Variants in ZNF30 observed in about 807,000 individuals in gnomAD.
ZNF30 encodes zinc finger protein 30, also known as zinc finger protein 30 (KOX 28).
ZNF30 carries 15 observed loss-of-function variants against 13.2 expected under a neutral mutation model. That is an observed-to-expected ratio of 1.13 (90% CI 0.76 to 1.75). The LOEUF is 1.75. Ranked by LOEUF, ZNF30 falls within the 40% of genes most tolerant of loss-of-function variation. ZNF30 has a pLI of 0.00. For missense variants in ZNF30, 726 were observed against 757.0 expected (o/e 0.96, Z 0.48); for synonymous variants, 223 against 256.6 (o/e 0.87, Z 1.25).
At chr19:34,929,171 C>T (rs1283663611) in intron 1 of ZNF30, among the ~76,000 whole-genome samples, 2 of 151,974 alleles carry the variant, frequency 1.3e-5, no homozygotes, top group Non-Finnish European at 2.9e-5. Context: ...CCTAGCTACT[C>T]GGGAGGGAGG....
intron 3 of ZNF30, 94 bp from the exon 4 acceptor site, chr19:34,933,534 G>T: frequency 1.2e-6 from 1 of 853,580 alleles, no homozygotes; most frequent in Middle Eastern, 2.3e-4. Flanking sequence ...GGTCAATATC[G>T]TTTGACCTTT....
chr19:34,931,677 T>C (rs1297466364), intron 2 of ZNF30, among the ~76,000 whole-genome samples, 166 bp from the exon 3 acceptor site: 1 of 152,212 alleles, frequency 6.6e-6, no homozygotes, highest in Admixed American at 6.5e-5. Flanking sequence ...GGACATTTTG[T>C]CCATAGCAGC....
chr19:34,926,933 TG>T lies in ZNF30; in HGVS notation c.-347del. On this transcript the variant is annotated 5_prime_UTR_variant, in exon 1 of 5. It introduces an in-frame stop codon into an upstream open reading frame of the 5' UTR. Transcript: ENST00000601142. Reference sequence around the variant, plus strand: ...GGACTGCGCCGGGCATGCTCGGCGGTGTGACGGCTCAGGACTGCATTTCCCA... The same window carrying T: ...GGACTGCGCCGGGCATGCTCGGCGGTTGACGGCTCAGGACTGCATTTCCCA... 2.5e-6 allele frequency: 1 copy of T among 398,346 alleles called. No homozygotes were observed. Among genetic ancestry groups the T allele is most frequent in the Non-Finnish European group, 4.4e-6 (1 of 225,932 alleles). 24.7% of individuals were successfully genotyped at this position (398,346 alleles called of 1,614,324 possible).
At chr19:34,929,450 C>T (rs1179942385) in intron 1 of ZNF30, among the ~76,000 whole-genome samples, 1 of 152,200 alleles carries the variant, frequency 6.6e-6, no homozygotes, top group African/African-American at 2.4e-5. Context: ...ATATTAGTAA[C>T]TGCCTGATCA....
Position 34,944,788 on chromosome 19 carries a change from A to G in ZNF30, c.1822A>G (p.Ser608Gly). ...AAAATGTGGGAAGACCTTTAGATAC[A>G]GTTCAGCCCTTAAAGTGCATCTGAG... Reference protein sequence around the residue: ...CKKCGKTFRYSSALKVHLRKH... With the variant: ...CKKCGKTFRYGSALKVHLRKH... Residue 608 changes from serine to glycine, a missense_variant, in exon 5 of 5, where the codon AGT (serine) becomes GGT (glycine). Transcript: ENST00000601142. 2 of 1,612,156 alleles carry G rather than the reference A, an allele frequency of 1.2e-6. No individual in the cohort carries two copies. Among genetic ancestry groups the G allele is most frequent in the African/African-American group, 1.3e-5 (1 of 75,020 alleles).
chr19:34,943,175 A>ATT, intron 4 of ZNF30, 48 bp from the exon 5 acceptor site: 1 of 1,363,492 alleles, frequency 7.3e-7, no homozygotes, highest in Non-Finnish European at 9.6e-7. Context: ...CTTCCCTAGA[A>ATT]TTTTTTTTCA....
At chr19:34,931,517 T>G (rs1215265035) in intron 2 of ZNF30, among the ~76,000 whole-genome samples, 2 of 152,190 alleles carry the variant, frequency 1.3e-5, no homozygotes, top group Non-Finnish European at 2.9e-5. Flanking sequence ...GGGAAAGTAA[T>G]ATAGAGACTA....
chr19:34,936,488 C>CT (rs2012748544), intron 4 of ZNF30, among the ~76,000 whole-genome samples: 2 of 152,130 alleles, frequency 1.3e-5, no homozygotes, highest in African/African-American at 4.8e-5. Context: ...CTAAAGGTGT[C>CT]TGCTTTCCAT....
At chr19:34,933,825 A>C (rs1374878785) in intron 4 of ZNF30, 102 bp downstream of exon 4, 6 of 799,748 alleles carry the variant, frequency 7.5e-6, no homozygotes, top group African/African-American at 5.2e-5. Flanking sequence ...TTCCCTTCAA[A>C]GCCCTAGGGC....
At chr19:34,941,420 AT>A (rs1401625531) in intron 4 of ZNF30, among the ~76,000 whole-genome samples, 3 of 152,196 alleles carry the variant, frequency 2.0e-5, no homozygotes, top group Non-Finnish European at 2.9e-5. Context: ...GCCCGCCACC[AT>A]GCCCAGCTAA....
chr19:34,944,456 C>T lies in ZNF30; in HGVS notation c.1490C>T (p.Ser497Leu), dbSNP rs558398834. Residue 497 changes from serine (S) to leucine (L), a missense_variant, in exon 5 of 5, where the codon TCG becomes TTG. Coordinates refer to ENST00000601142, the MANE Select transcript of ZNF30 (RefSeq NM_194325.3). The stretch of plus-strand genomic sequence containing the variant: ...TGTGGAAAGACTTTTAGTCGAGCCT[C>T]GTACCTTGTACAACATAGCAGAATC... ...KECGKTFSRA[S>L]YLVQHSRIHT... 20 of 1,613,342 alleles carry T rather than the reference C, an allele frequency of 1.2e-5. No homozygotes were observed. Among genetic ancestry groups the T allele is most frequent in the Admixed American group, 5.0e-5 (3 of 59,930 alleles).
rs752470035 is a variant in ZNF30, at chr19:34,944,778, C to T, written c.1812C>T (p.Thr604=). ...TTAAATGCAAAAAATGTGGGAAGAC[C>T]TTTAGATACAGTTCAGCCCTTAAAG... The part of the protein sequence containing the change: ...KPFKCKKCGK[T]FRYSSALKVH... The change falls in exon 5 of 5, where the codon ACC becomes ACT. Residue 604 remains threonine, a synonymous_variant. Coordinates refer to ENST00000601142, the MANE Select transcript of ZNF30 (RefSeq NM_194325.3). The T allele has an allele frequency of 2.5e-6, 4 of 1,613,414 alleles. No individual in the cohort carries two copies. The highest frequency in any genetic ancestry group is 2.2e-5 in the South Asian group (2 of 91,024).
Position 34,931,923 on chromosome 19 carries a change from T to C in ZNF30, c.90T>C (p.Ser30=), listed in dbSNP as rs1462060076. ...CCTTCTCCCAGCAGGAGTGGGAGAG[T>C]CTGGACTCTTCCCAGAGGGGCTTGT... The part of the protein sequence containing the change: ...AIAFSQQEWE[S]LDSSQRGLYR... Residue 30 remains serine (S), a synonymous_variant, in exon 3 of 5, where the codon AGT becomes AGC. Coordinates refer to ENST00000601142, the MANE Select transcript of ZNF30 (RefSeq NM_194325.3). 2 of 1,612,828 alleles carry C rather than the reference T, an allele frequency of 1.2e-6. No homozygotes were observed. The highest frequency in any genetic ancestry group is 1.7e-6 in the Non-Finnish European group (2 of 1,179,552).
chr19:34,931,730 C>T (rs1322460378), intron 2 of ZNF30, 113 bp from the exon 3 acceptor site: 2 of 1,067,396 alleles, frequency 1.9e-6, no homozygotes, highest in Admixed American at 2.9e-5. Flanking sequence ...CATCCACTTG[C>T]CACATCATAA....
Position 34,943,349 on chromosome 19 carries a change from C to A in ZNF30, c.383C>A (p.Thr128Asn), listed in dbSNP as rs2013144381. ...KPRECQEYGK[T>N]LCQDSKPVQH... ...CGTGAATGTCAGGAATATGGAAAGACCCTTTGTCAAGACTCAAAGCCTGTT... is the reference window on the plus strand; with the variant it reads ...CGTGAATGTCAGGAATATGGAAAGAACCTTTGTCAAGACTCAAAGCCTGTT... Residue 128 changes from threonine to asparagine, a missense_variant, in exon 5 of 5, where the codon ACC (threonine) becomes AAC (asparagine). Physicochemically the swap from Thr to Asn is moderately conservative, Grantham distance 65. Transcript: ENST00000601142. 4 of 1,613,762 alleles carry A rather than the reference C, an allele frequency of 2.5e-6. No homozygotes were observed. Among genetic ancestry groups the A allele is most frequent in the Non-Finnish European group, 8.5e-7 (1 of 1,179,892 alleles).
Position 34,943,558 on chromosome 19 carries a change from C to T in ZNF30, c.592C>T (p.His198Tyr). 2.5e-6 allele frequency: 4 copies of T among 1,613,618 alleles called. No individual in the cohort carries two copies. In the South Asian group the frequency reaches 4.4e-5, roughly 18 times the overall value. ...GSAFVKHGRIHTGEKPLKCKQ... is the reference protein window; with the variant it reads ...GSAFVKHGRIYTGEKPLKCKQ... ...AGCCTTTGTTAAGCATGGGAGAATTCACACTGGTGAGAAGCCACTCAAATG... is the reference window on the plus strand; with the variant it reads ...AGCCTTTGTTAAGCATGGGAGAATTTACACTGGTGAGAAGCCACTCAAATG... The change falls in exon 5 of 5, where the codon CAC (histidine) becomes TAC (tyrosine). Residue 198 changes from histidine (H) to tyrosine (Y), a missense_variant. Transcript: ENST00000601142.
intron 4 of ZNF30, among the ~76,000 whole-genome samples, chr19:34,941,755 G>C (rs2546016): frequency 6.6e-6 from 1 of 152,048 alleles, no homozygotes; most frequent in South Asian, 2.1e-4. Flanking sequence ...TGGTTTTTGT[G>C]TACAAACCCA....
At chr19:34,937,686 G>A (rs887227974) in intron 4 of ZNF30, among the ~76,000 whole-genome samples, 19 of 151,328 alleles carry the variant, frequency 1.3e-4, no homozygotes, top group African/African-American at 3.9e-4. Context: ...GTGAGTCTGC[G>A]CTCCAGCCTG....
At position 34,945,131 on chromosome 19, in the gene ZNF30, G is replaced by A. The variant is rs753120195; in HGVS notation, c.*293G>A. 6 of 285,914 alleles carry A rather than the reference G, an allele frequency of 2.1e-5. No individual in the cohort carries two copies. The highest frequency in any genetic ancestry group is 1.1e-4 in the African/African-American group (5 of 45,922). 17.7% of individuals were successfully genotyped at this position (285,914 alleles called of 1,614,324 possible). A position where few individuals can be genotyped will look rare whatever the true frequency, so the allele number is the denominator to read the frequency against. On this transcript the variant is annotated 3_prime_UTR_variant, in exon 5 of 5. Coordinates refer to ENST00000601142, the MANE Select transcript of ZNF30 (RefSeq NM_194325.3). Reference sequence around the variant, plus strand: ...ATGATGCATTTATTCTAATGTGATTGTATGAACAAGTGAATAAAAAACCTT... The same window carrying A: ...ATGATGCATTTATTCTAATGTGATTATATGAACAAGTGAATAAAAAACCTT...
Sources: gnomAD v4.1 joint callset for allele counts (sites outside exome capture counted in the v4.1 genomes callset) on GRCh38, gnomAD v4.1.1 for gene constraint, MANE v1.5 for transcripts, NCBI Gene and HGNC (gene_info 2026-07-23, HGNC 2026-07-21) for gene names.